The following ERBB4 variants were observed in gnomAD, a reference collection of about 807,000 sequenced individuals.
The protein encoded by ERBB4 is erb-b2 receptor tyrosine kinase 4.
A neutral mutation model predicts 158.0 loss-of-function variants in ERBB4; 42 were observed. That is an observed-to-expected ratio of 0.27 (90% confidence interval 0.21 to 0.34). The LOEUF (loss-of-function observed/expected upper bound fraction) is 0.34. Ranked by LOEUF, ERBB4 falls within the 10% of genes least tolerant of loss-of-function variation. The probability of loss-of-function intolerance (pLI) is 1.00; values close to 1 mark genes in which losing one functional copy is unlikely to be tolerated. For synonymous variants in ERBB4, 583 were observed against 558.7 expected, an observed-to-expected ratio of 1.04 and a Z score of -0.61; for missense variants, 1,333 against 1,624.1, an observed-to-expected ratio of 0.82 and a Z score of 3.08.
rs55986170 is a variant in ERBB4, at chr2:211,416,053, T to C, written c.3135+4388A>G. 5.8e-3 allele frequency among the ~76,000 whole-genome samples: 886 copies of C among 152,344 alleles called. 10 individuals are homozygous for C. Among genetic ancestry groups the C allele is most frequent in the South Asian group, 0.018 (85 of 4,830 alleles). On this transcript the variant is annotated intron_variant, in intron 25 of 27. Coordinates refer to ENST00000342788, the MANE Select transcript of ERBB4 (RefSeq NM_005235.3). ...GCTGAGATAATTAAGAGTTAGCTGA[T>C]ATGTTTTGACAGAGGAGCATTTAAT...
At chr2:212,341,231 T>C (rs557304281) in intron 1 of ERBB4, among the ~76,000 whole-genome samples, 74 of 151,714 alleles carry the variant, frequency 4.9e-4, no homozygotes, top group Admixed American at 1.2e-3. Context: ...AAAATATAAG[T>C]ATTATTATAT....
At chr2:211,455,066 G>C (rs1049448752) in intron 20 of ERBB4, among the ~76,000 whole-genome samples, 1 of 152,148 alleles carries the variant, frequency 6.6e-6, no homozygotes, top group Non-Finnish European at 1.5e-5. Context: ...TATCTTCAAC[G>C]GTGCTTCTCT....
chr2:211,861,060 TAA>T lies in ERBB4; in HGVS notation c.422-72903_422-72902del, dbSNP rs1274170709. ...ATATATTTATATATTTATATATATA[TAA>T]ATATAATATATTTATATATTATAAA... On this transcript the variant is annotated intron_variant, in intron 3 of 27. Transcript: ENST00000342788. Among the ~76,000 whole-genome samples, 7 of 40,578 alleles carry T rather than the reference TAA, an allele frequency of 1.7e-4. 1 individual carries two copies. The highest frequency in any genetic ancestry group is 7.9e-4 in the South Asian group (1 of 1,272). 26.6% of individuals were successfully genotyped at this position (40,578 alleles called of 152,430 possible). A position where few individuals can be genotyped will look rare whatever the true frequency, so the allele number is the denominator to read the frequency against.
At chr2:212,211,998 C>G (rs1249048845) in intron 1 of ERBB4, among the ~76,000 whole-genome samples, 1 of 152,006 alleles carries the variant, frequency 6.6e-6, no homozygotes, top group Non-Finnish European at 1.5e-5. Context: ...ATCTTTACTA[C>G]TGTAAATAGT....
intron 3 of ERBB4, among the ~76,000 whole-genome samples, chr2:211,837,358 G>A (rs536753952): frequency 6.6e-6 from 1 of 152,110 alleles, no homozygotes; most frequent in African/African-American, 2.4e-5. Flanking sequence ...GTGAATGACT[G>A]AAAAACTCCT....
chr2:211,801,424 T>C (rs1275879127), intron 3 of ERBB4, among the ~76,000 whole-genome samples: 2 of 152,120 alleles, frequency 1.3e-5, no homozygotes, highest in African/African-American at 2.4e-5. Flanking sequence ...TTAAAAATAT[T>C]CATCTTTAGA....
intron 24 of ERBB4, 112 bp downstream of exon 24, chr2:211,421,895 A>G: frequency 1.3e-6 from 1 of 742,032 alleles, no homozygotes; most frequent in East Asian, 2.6e-5. Flanking sequence ...ATTCTGCTTA[A>G]TTAATCAACA....
chr2:211,926,198 C>T (rs2080018302), intron 3 of ERBB4, among the ~76,000 whole-genome samples: 1 of 152,018 alleles, frequency 6.6e-6, no homozygotes, highest in Admixed American at 6.6e-5. Flanking sequence ...CTTTCTCTCC[C>T]CCTTTTATTA....
intron 1 of ERBB4, among the ~76,000 whole-genome samples, chr2:212,459,128 T>TG (rs1688448052): frequency 6.6e-6 from 1 of 152,162 alleles, no homozygotes; most frequent in Non-Finnish European, 1.5e-5. Context: ...CTGAAGGCTT[T>TG]TGGGTTTTAT....
Position 211,388,083 on chromosome 2 carries a change from G to A in ERBB4, c.3136-91C>T. 2.9e-6 allele frequency: 3 copies of A among 1,019,222 alleles called. No homozygotes were observed. In the South Asian group the frequency reaches 3.9e-5, roughly 13 times the overall value. The allele number at this position is 1,019,222 out of a possible 1,614,324, so 63.1% of individuals were successfully genotyped here. On this transcript the variant is annotated intron_variant, in intron 25 of 27. Coordinates refer to ENST00000342788, the MANE Select transcript of ERBB4 (RefSeq NM_005235.3). The stretch of plus-strand genomic sequence containing the variant: ...AAGAAACGAAAAAGAAAAGCCACAT[G>A]GGTCGTATGAACCAAAGGGGAAAAA...
At chr2:212,123,737 T>C (rs17344385) in intron 2 of ERBB4, among the ~76,000 whole-genome samples, 62,657 of 152,024 alleles carry the variant, frequency 0.41, 15,354 homozygotes, top group Non-Finnish European at 0.55. Context: ...ATTTAGTACA[T>C]TGAAAATATT....
intron 3 of ERBB4, among the ~76,000 whole-genome samples, chr2:211,825,634 G>A (rs770446810): frequency 2.6e-5 from 4 of 151,550 alleles, no homozygotes; most frequent in African/African-American, 4.8e-5. Flanking sequence ...AGAGATAAAT[G>A]TGAGTCAGTC....
intron 20 of ERBB4, among the ~76,000 whole-genome samples, chr2:211,492,852 T>G (rs1327247547): frequency 2.0e-5 from 3 of 152,160 alleles, no homozygotes; most frequent in Non-Finnish European, 4.4e-5. Flanking sequence ...ATCAGCTGGC[T>G]TCTTTGGTTC....
intron 2 of ERBB4, among the ~76,000 whole-genome samples, chr2:211,999,365 T>C (rs1190785581): frequency 6.6e-6 from 1 of 151,848 alleles, no homozygotes; most frequent in Non-Finnish European, 1.5e-5. Flanking sequence ...TCTTGGGGCA[T>C]GATATAAAAC....
intron 2 of ERBB4, among the ~76,000 whole-genome samples, chr2:212,043,362 T>C (rs990587628): frequency 1.1e-4 from 16 of 152,256 alleles, no homozygotes; most frequent in Middle Eastern, 3.4e-3. Context: ...CCTGCATTTG[T>C]TTCTAATTGT....
At chr2:212,439,071 A>T (rs548025225) in intron 1 of ERBB4, among the ~76,000 whole-genome samples, 60 of 152,234 alleles carry the variant, frequency 3.9e-4, no homozygotes, top group African/African-American at 1.4e-3. Flanking sequence ...CACTGTTAGA[A>T]AGTAAGTAAG....
intron 3 of ERBB4, among the ~76,000 whole-genome samples, chr2:211,799,364 T>C (rs2076449377): frequency 6.6e-6 from 1 of 152,186 alleles, no homozygotes; most frequent in Non-Finnish European, 1.5e-5. Context: ...TCTTTTATTT[T>C]AGAATGTTTC....
intron 2 of ERBB4, among the ~76,000 whole-genome samples, chr2:212,080,519 G>C (rs1317576001): frequency 6.6e-6 from 1 of 151,236 alleles, no homozygotes; most frequent in Admixed American, 6.6e-5. Flanking sequence ...TGTTTCTAGT[G>C]AAGACCACAA....
At chr2:211,984,673 T>A (rs538150808) in intron 2 of ERBB4, among the ~76,000 whole-genome samples, 5 of 152,166 alleles carry the variant, frequency 3.3e-5, no homozygotes, top group African/African-American at 1.2e-4. Context: ...AAGAATAATG[T>A]ATAGCTATTT....
Sources: allele counts gnomAD v4.1 joint callset (sites outside exome capture counted in the v4.1 genomes callset), GRCh38; gene constraint gnomAD v4.1.1; transcripts MANE v1.5; gene names NCBI Gene and HGNC (gene_info 2026-07-23, HGNC 2026-07-21).